Variants in GUCY1A2 observed in about 807,000 individuals in gnomAD.
The protein encoded by GUCY1A2 is guanylate cyclase soluble subunit alpha-2.
In GUCY1A2, 27 loss-of-function variants were observed where a neutral mutation model predicts 63.5. The observed-to-expected ratio is 0.43, with a 90% CI of 0.31 to 0.59. The LOEUF (loss-of-function observed/expected upper bound fraction) is 0.59, where lower values mean the gene tolerates loss of function less well. GUCY1A2 is among the 20% of genes least tolerant of loss of function. The pLI, the probability that GUCY1A2 is intolerant of heterozygous loss-of-function variation, is 0.11. For missense variants in GUCY1A2, 768 were observed against 913.3 expected (o/e 0.84, Z 2.05); for synonymous variants, 364 against 343.5 (o/e 1.06, Z -0.66).
At chr11:106,843,777 T>A (rs1030383459) in intron 4 of GUCY1A2, among the ~76,000 whole-genome samples, 2 of 151,910 alleles carry the variant, frequency 1.3e-5, no homozygotes, top group Non-Finnish European at 2.9e-5. Context: ...GACACAATAC[T>A]AATTATTCTT....
intron 4 of GUCY1A2, among the ~76,000 whole-genome samples, chr11:106,866,417 T>G (rs532490147): frequency 2.0e-4 from 31 of 152,096 alleles, no homozygotes; most frequent in African/African-American, 7.5e-4. Flanking sequence ...CTTGAGACAG[T>G]GTGGACGTCG....
In GUCY1A2 at chr11:106,827,709, T is replaced by G. The variant is rs1591292911; in HGVS notation, c.1207-17231A>C. 6.5e-6 allele frequency: 10 copies of G among 1,542,934 alleles called. No homozygotes were observed. In the East Asian group the frequency reaches 2.2e-4, roughly 35 times the overall value. ...TGATTGTTCTTCAACATCAAATTCTTCCAATATTTTAGAAATCTGCTTGAA... is the reference window on the plus strand; with the variant it reads ...TGATTGTTCTTCAACATCAAATTCTGCCAATATTTTAGAAATCTGCTTGAA... On this transcript the variant is annotated intron_variant, in intron 4 of 7. Coordinates refer to ENST00000526355, the MANE Select transcript of GUCY1A2 (RefSeq NM_000855.3).
chr11:106,986,144 A>C lies in GUCY1A2; in HGVS notation c.304-13T>G. 1 of 1,311,574 alleles carries C rather than the reference A, an allele frequency of 7.6e-7. No homozygotes were observed. The highest frequency in any genetic ancestry group is 1.1e-6 in the Non-Finnish European group (1 of 905,012). The allele number at this position is 1,311,574 out of a possible 1,614,324, so 81.2% of individuals were successfully genotyped here. A position where few individuals can be genotyped will look rare whatever the true frequency, so the allele number is the denominator to read the frequency against. On this transcript the variant is annotated splice_polypyrimidine_tract_variant and intron_variant, in intron 1 of 7. Transcript: ENST00000526355. ...GTATCGTCTGAGGCTACAGAATAAT[A>C]ATAATAATAAAAACATATTATCAGC...
chr11:106,986,545 G>C (rs1267173997), intron 1 of GUCY1A2, among the ~76,000 whole-genome samples: 1 of 152,090 alleles, frequency 6.6e-6, no homozygotes, highest in Non-Finnish European at 1.5e-5. Context: ...CAAATGGCAC[G>C]TCTTCATATT....
At chr11:106,887,734 T>G (rs1013579930) in intron 4 of GUCY1A2, among the ~76,000 whole-genome samples, 1 of 152,126 alleles carries the variant, frequency 6.6e-6, no homozygotes, top group African/African-American at 2.4e-5. Context: ...CGGCAGCTGC[T>G]ACTGGGAGAA....
At chr11:106,740,648 C>CTGTATGTATGTATGTATGTA (rs6144494) in intron 6 of GUCY1A2, among the ~76,000 whole-genome samples, 3,806 of 148,832 alleles carry the variant, frequency 0.026, 62 homozygotes, top group Admixed American at 0.044. Flanking sequence ...GACCATATCA[C>CTGTATGTATGTATGTATGTA]TGTATGTATG....
chr11:106,971,196 A>G (rs1182860968), intron 3 of GUCY1A2, among the ~76,000 whole-genome samples: 1 of 146,948 alleles, frequency 6.8e-6, no homozygotes, highest in Non-Finnish European at 1.5e-5. Context: ...CAGAAGAGCT[A>G]AACTTACTGT....
At chr11:106,746,349 G>GA (rs1863787208) in intron 6 of GUCY1A2, among the ~76,000 whole-genome samples, 1 of 152,128 alleles carries the variant, frequency 6.6e-6, no homozygotes, top group Non-Finnish European at 1.5e-5. Flanking sequence ...TGTGAGGACT[G>GA]AAAAAATTAA....
chr11:106,769,863 T>C (rs1864225739), intron 6 of GUCY1A2, among the ~76,000 whole-genome samples: 1 of 152,064 alleles, frequency 6.6e-6, no homozygotes, highest in Admixed American at 6.6e-5. Flanking sequence ...TCTCCTTATA[T>C]GTTTTTAATC....
At chr11:106,746,690 A>C (rs1170976045) in intron 6 of GUCY1A2, 2 of 1,088,744 alleles carry the variant, frequency 1.8e-6, no homozygotes, top group Non-Finnish European at 2.7e-6. Context: ...GGACAAAAAT[A>C]AAAAATCAGT....
chr11:106,857,608 T>C (rs1256080611), intron 4 of GUCY1A2, among the ~76,000 whole-genome samples: 2 of 152,222 alleles, frequency 1.3e-5, no homozygotes, highest in East Asian at 3.9e-4. Flanking sequence ...ATGATTCAGT[T>C]TTTTCGAGAA....
chr11:106,925,919 C>A (rs555300801), intron 4 of GUCY1A2, among the ~76,000 whole-genome samples: 1 of 152,038 alleles, frequency 6.6e-6, no homozygotes, highest in Non-Finnish European at 1.5e-5. Flanking sequence ...ATAAACCATT[C>A]GTTCTGGTGA....
intron 4 of GUCY1A2, among the ~76,000 whole-genome samples, chr11:106,830,992 T>C (rs577527272): frequency 6.6e-6 from 1 of 152,214 alleles, no homozygotes; most frequent in African/African-American, 2.4e-5. Flanking sequence ...ACTATGAAAT[T>C]ATGTTGAAGA....
intron 1 of GUCY1A2, among the ~76,000 whole-genome samples, chr11:107,006,553 T>G (rs1861673521): frequency 6.6e-6 from 1 of 152,194 alleles, no homozygotes; most frequent in Non-Finnish European, 1.5e-5. Flanking sequence ...GGAAAACGGT[T>G]TGTTAAAATC....
At chr11:106,725,196 G>T (rs182658074) in intron 6 of GUCY1A2, among the ~76,000 whole-genome samples, 1,838 of 16,140 alleles carry the variant, frequency 0.11, 317 homozygotes, top group East Asian at 0.33. Flanking sequence ...TTTTTGAGAC[G>T]GAGTCTCGCT....
chr11:106,757,946 G>A (rs1864002560), intron 6 of GUCY1A2, among the ~76,000 whole-genome samples: 1 of 152,142 alleles, frequency 6.6e-6, no homozygotes, highest in Admixed American at 6.5e-5. Context: ...CAGAAGCTTT[G>A]CCCACAGCTA....
intron 4 of GUCY1A2, among the ~76,000 whole-genome samples, chr11:106,922,662 C>CATATAT (rs6144495): frequency 3.0e-4 from 37 of 124,776 alleles, no homozygotes; most frequent in South Asian, 5.9e-4. Context: ...TTGTTAACTA[C>CATATAT]ATATATATAT....
chr11:106,990,308 A>G (rs1231440754), intron 1 of GUCY1A2, among the ~76,000 whole-genome samples: 1 of 152,244 alleles, frequency 6.6e-6, no homozygotes, highest in African/African-American at 2.4e-5. Context: ...TAGTCTCACT[A>G]ACAGCTTCAC....
chr11:106,827,770 C>G, intron 4 of GUCY1A2: 13 of 1,533,610 alleles, frequency 8.5e-6, no homozygotes, highest in Non-Finnish European at 1.2e-5. Flanking sequence ...GAAGCTGTTA[C>G]CAAGAGAATA....
Sources: allele counts gnomAD v4.1 joint callset (sites outside exome capture counted in the v4.1 genomes callset), GRCh38; gene constraint gnomAD v4.1.1; transcripts MANE v1.5; gene names NCBI Gene and HGNC (gene_info 2026-07-23, HGNC 2026-07-21).